FLT4: variants seen among roughly 807,000 people sequenced by gnomAD.
The protein encoded by FLT4 is vascular endothelial growth factor receptor 3.
A neutral mutation model predicts 163.2 loss-of-function variants in FLT4; 30 were observed. That is an observed-to-expected ratio of 0.18 (90% CI 0.14 to 0.25). FLT4 has a LOEUF of 0.25. Among genes scored for constraint, FLT4 ranks in the 10% least tolerant of loss-of-function variants. FLT4 has a pLI of 1.00. For missense variants in FLT4, 1,510 were observed against 1,863.8 expected, an observed-to-expected ratio of 0.81 and a Z score of 3.50; for synonymous variants, 884 against 789.5, an observed-to-expected ratio of 1.12 and a Z score of -2.01.
At chr5:180,619,430 G>C (rs768665778) in intron 18 of FLT4, 64 bp from the exon 19 acceptor site, 63 of 1,078,946 alleles carry the variant, frequency 5.8e-5, no homozygotes, top group African/African-American at 8.1e-5. Context: ...CCGCCACCCG[G>C]CGCTTTTGGG....
At position 180,623,946 on chromosome 5, in the gene FLT4, C is replaced by T; in HGVS notation, c.1537G>A (p.Gly513Arg). ...CGGCTGGCCTGTACCTTATTCTTTC[C>T]CTCCACAAACTCGGTCCAGGTGTCC... ...SLDTWTEFVE[G>R]KNKTVSKLVI... Residue 513 changes from glycine to arginine, a missense_variant, in exon 11 of 30, where the codon GGA becomes AGA. Transcript: ENST00000261937. This position sits in a 1 kb window ranked among gnomAD's most constrained non-coding sequence, Gnocchi z 5.8. 6.2e-7 allele frequency: 1 copy of T among 1,613,628 alleles called. No homozygotes were observed. Among genetic ancestry groups the T allele is most frequent in the Non-Finnish European group, 8.5e-7 (1 of 1,179,982 alleles).
At chr5:180,643,446 T>C (rs1315521792) in intron 1 of FLT4, among the ~76,000 whole-genome samples, 3 of 152,030 alleles carry the variant, frequency 2.0e-5, no homozygotes, top group Non-Finnish European at 4.4e-5. Flanking sequence ...GTCCCTCCAC[T>C]TTCCCTCCTC....
intron 2 of FLT4, 26 bp downstream of exon 2, chr5:180,631,656 C>T: frequency 6.4e-7 from 1 of 1,572,960 alleles, no homozygotes. Context: ...CCTCTCTGGC[C>T]TGCCAGTGGG....
Position 180,601,777 on chromosome 5 carries a change from G to A in FLT4, c.*1415C>T, listed in dbSNP as rs915264808. Reference sequence around the variant, plus strand: ...GAAGGGGGAGGTCCACGGGGACGACGAAGATGACCTTATACGTGCACTCGG... The same window carrying A: ...GAAGGGGGAGGTCCACGGGGACGACAAAGATGACCTTATACGTGCACTCGG... On this transcript the variant is annotated 3_prime_UTR_variant, in exon 30 of 30. Coordinates refer to ENST00000261937, the MANE Select transcript of FLT4 (RefSeq NM_182925.5). The A allele has an allele frequency of 8.6e-6, 2 of 232,392 alleles. No individual in the cohort carries two copies. Among genetic ancestry groups the A allele is most frequent in the African/African-American group, 2.2e-5 (1 of 45,240 alleles). 14.4% of individuals were successfully genotyped at this position (232,392 alleles called of 1,614,324 possible). A position where few individuals can be genotyped will look rare whatever the true frequency, so the allele number is the denominator to read the frequency against.
Position 180,631,769 on chromosome 5 carries a change from C to G in FLT4, c.68G>C (p.Ser23Thr). Reference sequence around the variant, plus strand: ...GGTCGGGGGGGTCATGGAGTAGCCACTCACCAGGCCTGGGGTGGGAGACAG... The same window carrying G: ...GGTCGGGGGGGTCATGGAGTAGCCAGTCACCAGGCCTGGGGTGGGAGACAG... Reference protein sequence around the residue: ...LCLGLLDGLVSGYSMTPPTLN... With the variant: ...LCLGLLDGLVTGYSMTPPTLN... The change falls in exon 2 of 30, where the codon AGT (serine) becomes ACT (threonine). Residue 23 changes from serine (S) to threonine (T), a missense_variant. Physicochemically the swap from Ser to Thr is moderately conservative, Grantham distance 58. This residue lies in a region of FLT4 where 157 missense variants were observed against 178.7 expected (regional missense o/e 0.88). Transcript: ENST00000261937. 6.2e-7 allele frequency: 1 copy of G among 1,609,150 alleles called. No homozygotes were observed. Among genetic ancestry groups the G allele is most frequent in the Non-Finnish European group, 8.5e-7 (1 of 1,179,340 alleles).
rs199935385 is a variant in FLT4, at chr5:180,620,940, G to C, written c.2235C>G (p.Arg745=). 9.3e-5 allele frequency: 149 copies of C among 1,610,552 alleles called. No individual in the cohort carries two copies. The Admixed American group carries it at 2.5e-3, about 27-fold the overall frequency. The change falls in exon 15 of 30, where the codon CGC becomes CGG. Residue 745 remains arginine, a synonymous_variant. Coordinates refer to ENST00000261937, the MANE Select transcript of FLT4 (RefSeq NM_182925.5). The surrounding 1 kb of genome is among the most constrained non-coding windows in gnomAD (Gnocchi z 4.4). The part of the protein sequence containing the change: ...IQRVREEDAG[R]YLCSVCNAKG... Reference sequence around the variant, plus strand: ...TGGCGTTGCACACGCTGCACAGATAGCGTCCCGCATCCTCCTCGCGCACGC... The same window carrying C: ...TGGCGTTGCACACGCTGCACAGATACCGTCCCGCATCCTCCTCGCGCACGC...
At chr5:180,639,760 C>CA (rs1764961695) in intron 1 of FLT4, among the ~76,000 whole-genome samples, 2 of 152,186 alleles carry the variant, frequency 1.3e-5, no homozygotes, top group Admixed American at 1.3e-4. Context: ...GCCCAGCCCC[C>CA]ACCTGCAGCC....
chr5:180,609,652 T>C (rs1425466581), intron 28 of FLT4: 7 of 478,778 alleles, frequency 1.5e-5, no homozygotes, highest in Non-Finnish European at 2.3e-5. Flanking sequence ...GGAGCCGTCC[T>C]TCCACTGGGG....
chr5:180,609,061 G>A lies in FLT4; in HGVS notation c.3808-8C>T. 6.2e-7 allele frequency: 1 copy of A among 1,613,200 alleles called. No homozygotes were observed. The highest frequency in any genetic ancestry group is 1.1e-5 in the South Asian group (1 of 91,070). On this transcript the variant is annotated splice_region_variant and splice_polypyrimidine_tract_variant and intron_variant, in intron 28 of 29. Transcript: ENST00000261937. ...ACTGTCTGTCTGGTTGTCCTGTGTG[G>A]AGAGGACAAGCCAGGCTGTGGGTCC...
chr5:180,613,709 T>C (rs1411766867), intron 24 of FLT4: 1 of 393,668 alleles, frequency 2.5e-6, no homozygotes, highest in African/African-American at 2.1e-5. Context: ...GGAGACTTCA[T>C]CATGCTCGCA....
At chr5:180,608,753 C>T (rs1761947351) in intron 29 of FLT4, among the ~76,000 whole-genome samples, 1 of 152,146 alleles carries the variant, frequency 6.6e-6, no homozygotes, top group South Asian at 2.1e-4. Flanking sequence ...GTGTCGGGAC[C>T]AGCGCCCACG....
At chr5:180,612,735 G>A (rs566581905) in intron 25 of FLT4, 124 bp from the exon 26 acceptor site, 2 of 747,846 alleles carry the variant, frequency 2.7e-6, no homozygotes, top group East Asian at 5.3e-5. Flanking sequence ...TCCCACTCTT[G>A]TCCAGCTACC....
At chr5:180,611,196 T>G in intron 27 of FLT4, 135 bp downstream of exon 27, 2 of 1,103,236 alleles carry the variant, frequency 1.8e-6, no homozygotes, top group Non-Finnish European at 2.7e-6. Context: ...TTAAAGCCAC[T>G]CTGTGCTCTG....
chr5:180,606,213 T>G (rs1276051507), intron 29 of FLT4, among the ~76,000 whole-genome samples: 1 of 152,228 alleles, frequency 6.6e-6, no homozygotes, highest in Non-Finnish European at 1.5e-5. Flanking sequence ...CTGGATACTA[T>G]CTTGCTTCCT....
intron 25 of FLT4, 57 bp downstream of exon 25, chr5:180,612,954 C>A: frequency 2.2e-6 from 3 of 1,365,020 alleles, no homozygotes; most frequent in South Asian, 1.3e-5. Flanking sequence ...TGGACACAAC[C>A]CCCACGCCCC....
chr5:180,625,551 T>C (rs1226176867), intron 10 of FLT4, among the ~76,000 whole-genome samples: 4 of 152,208 alleles, frequency 2.6e-5, no homozygotes, highest in Non-Finnish European at 2.9e-5. Flanking sequence ...AGACATGTGC[T>C]TCCTTCTCCC....
intron 25 of FLT4, among the ~76,000 whole-genome samples, 182 bp downstream of exon 25, chr5:180,612,829 G>A (rs1197510153): frequency 2.0e-5 from 3 of 152,082 alleles, no homozygotes; most frequent in Admixed American, 1.3e-4. Context: ...GACAGCGCCC[G>A]GCCTTCCCTC....
At chr5:180,607,375 G>A (rs556666225) in intron 29 of FLT4, among the ~76,000 whole-genome samples, 1 of 152,254 alleles carries the variant, frequency 6.6e-6, no homozygotes, top group East Asian at 1.9e-4. Flanking sequence ...GGTGGCTCAG[G>A]CCTGTAATCC....
chr5:180,638,551 A>G (rs1332292177), intron 1 of FLT4, among the ~76,000 whole-genome samples: 1 of 152,156 alleles, frequency 6.6e-6, no homozygotes, highest in Admixed American at 6.5e-5. Context: ...AGGCCTGATC[A>G]CACTTGTGCT....
Sources: gnomAD v4.1 joint callset for allele counts (sites outside exome capture counted in the v4.1 genomes callset) on GRCh38, gnomAD v4.1.1 for gene constraint, gnomAD v4.1.1 regional missense constraint, Gnocchi (gnomAD v3.1) non-coding constraint, MANE v1.5 for transcripts, NCBI Gene and HGNC (gene_info 2026-07-23, HGNC 2026-07-21) for gene names.